The following HMCN1 variants were observed in gnomAD, a reference collection of about 807,000 sequenced individuals.
HMCN1 encodes hemicentin-1.
HMCN1 carries 321 observed loss-of-function variants against 625.9 expected under a neutral mutation model. The observed-to-expected ratio is 0.51, with a 90% CI of 0.47 to 0.56. HMCN1 has a LOEUF of 0.56. Among genes scored for constraint, HMCN1 ranks in the 20% least tolerant of loss-of-function variants. The pLI, the probability that HMCN1 is intolerant of heterozygous loss-of-function variation, is 0.00. For synonymous variants in HMCN1, 2,425 were observed against 2,417.6 expected (o/e 1.00, Z -0.09); for missense variants, 6,588 against 6,887.3 (o/e 0.96, Z 1.54).
chr1:185,758,162 C>A (rs1031254338), intron 1 of HMCN1, among the ~76,000 whole-genome samples: 25 of 152,332 alleles, frequency 1.6e-4, no homozygotes, highest in African/African-American at 5.5e-4. Flanking sequence ...TTGTCTTCAA[C>A]ATGCCCATGC....
chr1:185,866,464 G>A (rs1476076739), intron 4 of HMCN1, among the ~76,000 whole-genome samples: 1 of 145,764 alleles, frequency 6.9e-6, no homozygotes, highest in Non-Finnish European at 1.5e-5. Flanking sequence ...GAGTGCAGTG[G>A]CACAATCTCA....
At chr1:185,996,215 CTTGGGG>C (rs1652776283) in intron 24 of HMCN1, among the ~76,000 whole-genome samples, 1 of 152,050 alleles carries the variant, frequency 6.6e-6, no homozygotes, top group African/African-American at 2.4e-5. Context: ...CAAGGCCTCC[CTTGGGG>C]TAGGGACATG....
intron 69 of HMCN1, among the ~76,000 whole-genome samples, chr1:186,104,126 T>C (rs1233221427): frequency 6.6e-6 from 1 of 152,202 alleles, no homozygotes; most frequent in African/African-American, 2.4e-5. Context: ...AGTTTATGTT[T>C]AAGAAAACTG....
intron 8 of HMCN1, among the ~76,000 whole-genome samples, chr1:185,924,274 A>T (rs61829920): frequency 0.012 from 1,341 of 112,318 alleles, 12 homozygotes; most frequent in South Asian, 0.02. Context: ...TCTGTTGCCC[A>T]GGCTGGAGTG....
intron 4 of HMCN1, among the ~76,000 whole-genome samples, chr1:185,887,926 A>C (rs1199488179): frequency 6.9e-6 from 1 of 144,068 alleles, no homozygotes; most frequent in Non-Finnish European, 1.5e-5. Context: ...TCCCAGCAAC[A>C]GTGTAAAAGT....
intron 97 of HMCN1, among the ~76,000 whole-genome samples, chr1:186,157,013 C>T (rs916864107): frequency 6.6e-6 from 1 of 152,188 alleles, no homozygotes; most frequent in Admixed American, 6.5e-5. Context: ...ATTAAAAACA[C>T]AGATACCCAG....
rs75546366 is a variant in HMCN1 at position 185,963,511 on chromosome 1, G to A, written c.1971-257G>A. 4.7e-3 allele frequency among the ~76,000 whole-genome samples: 719 copies of A among 151,378 alleles called. 14 individuals are homozygous for A. In the East Asian group the frequency reaches 0.069, roughly 14 times the overall value. ...TATTAATAGTATTTAACTCATTAGGGTGAGGAAAATTTTTAGATTAAAATA... is the reference window on the plus strand; with the variant it reads ...TATTAATAGTATTTAACTCATTAGGATGAGGAAAATTTTTAGATTAAAATA... On this transcript the variant is annotated intron_variant, in intron 12 of 106. Transcript: ENST00000271588.
chr1:186,056,013 C>A (rs191526117), intron 45 of HMCN1, among the ~76,000 whole-genome samples: 1 of 151,958 alleles, frequency 6.6e-6, no homozygotes, highest in East Asian at 1.9e-4. Flanking sequence ...CTTGTATAAA[C>A]GTAAGCTCCT....
At chr1:185,779,008 T>C (rs1437960507) in intron 1 of HMCN1, among the ~76,000 whole-genome samples, 1 of 152,216 alleles carries the variant, frequency 6.6e-6, no homozygotes, top group African/African-American at 2.4e-5. Context: ...CCAGCACCTG[T>C]TGTTTCCTGA....
intron 11 of HMCN1, among the ~76,000 whole-genome samples, chr1:185,956,024 C>T (rs1001327077): frequency 6.6e-5 from 10 of 152,136 alleles, no homozygotes; most frequent in African/African-American, 2.2e-4. Flanking sequence ...CGGTTATCCT[C>T]TAGAACTTAT....
intron 30 of HMCN1, among the ~76,000 whole-genome samples, chr1:186,012,171 CAT>C (rs901026548): frequency 1.1e-4 from 17 of 151,664 alleles, no homozygotes; most frequent in African/African-American, 3.1e-4. Flanking sequence ...AATGAAAAAA[CAT>C]AGATTTTTTT....
At chr1:185,796,830 T>C (rs138734562) in intron 1 of HMCN1, among the ~76,000 whole-genome samples, 1 of 152,318 alleles carries the variant, frequency 6.6e-6, no homozygotes, top group East Asian at 1.9e-4. Context: ...CCTTTTGATA[T>C]AATGATTCCT....
intron 97 of HMCN1, among the ~76,000 whole-genome samples, chr1:186,161,504 T>C (rs1651476510): frequency 6.6e-6 from 1 of 151,978 alleles, no homozygotes; most frequent in South Asian, 2.1e-4. Context: ...TGATGCAGTT[T>C]CTTCCTAGTC....
Position 186,151,190 on chromosome 1 carries a change from C to A in HMCN1, c.14609-10C>A. ...TCCTTATCCAGGAATGTTTTTTTTT[C>A]CCCCAATAGGTGGGCCCCAGCGAGC... On this transcript the variant is annotated splice_polypyrimidine_tract_variant and intron_variant, in intron 93 of 106. Transcript: ENST00000271588. 1.3e-6 allele frequency: 2 copies of A among 1,599,254 alleles called. No homozygotes were observed. Among genetic ancestry groups the A allele is most frequent in the Non-Finnish European group, 1.7e-6 (2 of 1,173,174 alleles).
At chr1:186,128,038 A>G in intron 82 of HMCN1, 40 bp from the exon 83 acceptor site, 1 of 1,547,616 alleles carries the variant, frequency 6.5e-7, no homozygotes, top group South Asian at 1.1e-5. Flanking sequence ...ACTATGATGG[A>G]TGATTATGAA....
rs758516593 is a variant in HMCN1, at chr1:185,981,027, G to A, written c.2616G>A (p.Gln872=). 1.3e-5 allele frequency: 21 copies of A among 1,612,936 alleles called. No individual in the cohort carries two copies. The Admixed American group carries it at 3.0e-4, about 23-fold the overall frequency. The stretch of plus-strand genomic sequence containing the variant: ...CCTATATTTGTGAAGCTGAAAACCA[G>A]TTTGGAAAGATCCAGTCAGAGACAA... ...KGTYICEAEN[Q]FGKIQSETTV... The change falls in exon 17 of 107, where the codon CAG becomes CAA. Residue 872 remains glutamine, a synonymous_variant. Coordinates refer to ENST00000271588, the MANE Select transcript of HMCN1 (RefSeq NM_031935.3).
intron 36 of HMCN1, among the ~76,000 whole-genome samples, chr1:186,037,079 A>G (rs1257882300): frequency 6.6e-6 from 1 of 150,684 alleles, no homozygotes. Flanking sequence ...TAATGGATTG[A>G]TGGATTTATT....
intron 100 of HMCN1, among the ~76,000 whole-genome samples, chr1:186,169,835 C>G (rs1222382788): frequency 1.3e-5 from 2 of 152,104 alleles, no homozygotes; most frequent in Non-Finnish European, 2.9e-5. Flanking sequence ...ACAATGCGAT[C>G]TAATTAAACT....
chr1:185,857,459 T>G (rs935333877), intron 2 of HMCN1, among the ~76,000 whole-genome samples: 34 of 144,782 alleles, frequency 2.3e-4, no homozygotes, highest in Non-Finnish European at 4.8e-4. Context: ...CCATTATACC[T>G]TTCATTTGTG....
Sources: gnomAD v4.1 joint callset for allele counts (sites outside exome capture counted in the v4.1 genomes callset) on GRCh38, gnomAD v4.1.1 for gene constraint, MANE v1.5 for transcripts, NCBI Gene and HGNC (gene_info 2026-07-23, HGNC 2026-07-21) for gene names.